The following ZHX2 variants were observed in gnomAD, a reference collection of about 807,000 sequenced individuals.
ZHX2 encodes zinc fingers and homeoboxes 2, also known as zinc fingers and homeoboxes protein 2.
ZHX2 carries 6 observed loss-of-function variants against 21.9 expected under a neutral mutation model. The ratio of observed to expected loss-of-function variants is 0.27; its 90% confidence interval spans 0.15 to 0.54. ZHX2 has a LOEUF of 0.54. ZHX2 is among the 20% of genes least tolerant of loss of function. The probability of loss-of-function intolerance (pLI) is 0.95; values close to 1 mark genes in which losing one functional copy is unlikely to be tolerated. For missense variants in ZHX2, 908 were observed against 1,090.7 expected (o/e 0.83, Z 2.36); for synonymous variants, 434 against 437.1 (o/e 0.99, Z 0.09).
intron 2 of ZHX2, among the ~76,000 whole-genome samples, chr8:122,893,018 G>T (rs542053947): frequency 6.6e-6 from 1 of 152,306 alleles, no homozygotes; most frequent in East Asian, 1.9e-4. Flanking sequence ...TAGTGATGAT[G>T]ATTTCCCTCA....
chr8:122,967,834 T>C (rs540696714), intron 3 of ZHX2, among the ~76,000 whole-genome samples: 1 of 152,300 alleles, frequency 6.6e-6, no homozygotes, highest in African/African-American at 2.4e-5. Context: ...GGGATATAAT[T>C]CTGCCCTACA....
chr8:122,797,513 G>A (rs1178622179), intron 1 of ZHX2, among the ~76,000 whole-genome samples: 1 of 152,114 alleles, frequency 6.6e-6, no homozygotes, highest in East Asian at 1.9e-4. Context: ...TTTCTCTTCC[G>A]CTCAGCAAGG....
chr8:122,941,126 A>C (rs1446742589), intron 2 of ZHX2, among the ~76,000 whole-genome samples: 1 of 151,804 alleles, frequency 6.6e-6, no homozygotes, highest in Non-Finnish European at 1.5e-5. Context: ...ATGTGCCTGT[A>C]GTCCCAGCTA....
At chr8:122,884,735 G>T (rs1219288330) in intron 2 of ZHX2, among the ~76,000 whole-genome samples, 4 of 152,198 alleles carry the variant, frequency 2.6e-5, no homozygotes, top group Non-Finnish European at 4.4e-5. Flanking sequence ...GGTGCAGTGG[G>T]CCAAGCAGAC....
chr8:122,853,388 A>C (rs1030834714), intron 1 of ZHX2, among the ~76,000 whole-genome samples: 2 of 152,316 alleles, frequency 1.3e-5, no homozygotes, highest in African/African-American at 4.8e-5. Flanking sequence ...CCCAGCCAAC[A>C]CATGCAGACA....
intron 1 of ZHX2, among the ~76,000 whole-genome samples, chr8:122,820,754 T>C (rs1465799834): frequency 1.3e-5 from 2 of 152,202 alleles, no homozygotes; most frequent in Non-Finnish European, 2.9e-5. Context: ...GATGGTTTTA[T>C]GGGTGCTTTA....
At chr8:122,917,650 G>A (rs541954056) in intron 2 of ZHX2, among the ~76,000 whole-genome samples, 13 of 152,224 alleles carry the variant, frequency 8.5e-5, no homozygotes, top group Non-Finnish European at 1.5e-4. Flanking sequence ...CTGCATTTCT[G>A]TCTGATGACT....
intron 2 of ZHX2, among the ~76,000 whole-genome samples, chr8:122,941,422 A>G (rs112144325): frequency 6.2e-4 from 94 of 152,316 alleles, no homozygotes; most frequent in African/African-American, 2.0e-3. Flanking sequence ...TTACGTCTCA[A>G]CTTTCCCAAA....
intron 3 of ZHX2, among the ~76,000 whole-genome samples, chr8:122,961,401 T>C (rs926509918): frequency 6.6e-6 from 1 of 152,228 alleles, no homozygotes; most frequent in East Asian, 1.9e-4. Context: ...ATTCTGTTCA[T>C]AATGCTTACA....
chr8:122,936,161 A>G (rs972148298), intron 2 of ZHX2, among the ~76,000 whole-genome samples: 43 of 152,224 alleles, frequency 2.8e-4, no homozygotes, highest in African/African-American at 1.0e-3. Context: ...AGAAGGGAAC[A>G]GAGTGGTAAG....
At position 122,835,066 on chromosome 8, in the gene ZHX2, G is replaced by A. The variant is rs181636935; in HGVS notation, c.-282-28411G>A. Among the ~76,000 whole-genome samples the A allele has an allele frequency of 2.0e-5, 3 of 152,310 alleles. No individual in the cohort carries two copies. The East Asian group carries it at 5.8e-4, about 29-fold the overall frequency. On this transcript the variant is annotated intron_variant, in intron 1 of 3. Transcript: ENST00000314393. ...GGTCTTCTGGGGTGAGGGTGGAAGAGAGGATAACCTAGAGGTCATGCCGGG... is the reference window on the plus strand; with the variant it reads ...GGTCTTCTGGGGTGAGGGTGGAAGAAAGGATAACCTAGAGGTCATGCCGGG...
chr8:122,932,074 A>G (rs1005635427), intron 2 of ZHX2, among the ~76,000 whole-genome samples: 1 of 152,218 alleles, frequency 6.6e-6, no homozygotes, highest in Admixed American at 6.5e-5. Flanking sequence ...AGACAACAGC[A>G]GATCTTGGCC....
In ZHX2 at chr8:122,802,053, A is replaced by G. The variant is rs79279762; in HGVS notation, c.-283+20107A>G. Reference sequence around the variant, plus strand: ...CCACTTAGAAAGTGGAGGTGGCTGTACAGTTCCTGGAGTCATCTTTTTTCT... The same window carrying G: ...CCACTTAGAAAGTGGAGGTGGCTGTGCAGTTCCTGGAGTCATCTTTTTTCT... On this transcript the variant is annotated intron_variant, in intron 1 of 3. Coordinates refer to ENST00000314393, the MANE Select transcript of ZHX2 (RefSeq NM_014943.5). 1.8e-3 allele frequency among the ~76,000 whole-genome samples: 277 copies of G among 152,112 alleles called. 1 individual carries two copies. Among genetic ancestry groups the G allele is most frequent in the African/African-American group, 6.4e-3 (266 of 41,504 alleles).
chr8:122,952,930 G>A lies in ZHX2; in HGVS notation c.1420G>A (p.Glu474Lys), dbSNP rs374724083. The change falls in exon 3 of 4, where the codon GAG becomes AAG. Residue 474 changes from glutamate (E) to lysine (K), a missense_variant. Glu to Lys is a moderately conservative substitution (Grantham distance 56). This residue lies in a region of ZHX2 where 232 missense variants were observed against 361.8 expected (regional missense o/e 0.64). Coordinates refer to ENST00000314393, the MANE Select transcript of ZHX2 (RefSeq NM_014943.5). The surrounding 1 kb of genome is among the most constrained non-coding windows in gnomAD (Gnocchi z 6.9). ...CGATGCCGAGGTTTACCGGCTCATC[G>A]AGGTGACTGGCCTTGCCAGGAGCGA... ...PDDAEVYRLI[E>K]VTGLARSEIK... The A allele has an allele frequency of 1.2e-5, 20 of 1,613,958 alleles. No homozygotes were observed. The highest frequency in any genetic ancestry group is 2.7e-5 in the African/African-American group (2 of 74,892).
chr8:122,798,642 G>T (rs976085472), intron 1 of ZHX2, among the ~76,000 whole-genome samples: 2 of 152,026 alleles, frequency 1.3e-5, no homozygotes, highest in African/African-American at 4.8e-5. Context: ...AATTAGCTGG[G>T]CGTGGTAGTA....
At chr8:122,909,641 C>A (rs1022170447) in intron 2 of ZHX2, among the ~76,000 whole-genome samples, 1 of 152,064 alleles carries the variant, frequency 6.6e-6, no homozygotes, top group African/African-American at 2.4e-5. Flanking sequence ...TTCTCTCTCA[C>A]TCAAGCAGAA....
At chr8:122,895,027 C>G (rs1430714654) in intron 2 of ZHX2, among the ~76,000 whole-genome samples, 1 of 152,208 alleles carries the variant, frequency 6.6e-6, no homozygotes, top group Non-Finnish European at 1.5e-5. Context: ...TTTTTTCTCT[C>G]TATTCCAGAT....
Position 122,969,416 on chromosome 8 carries a change from C to A in ZHX2, c.*5-3826C>A, listed in dbSNP as rs567926947. On this transcript the variant is annotated intron_variant, in intron 3 of 3. Coordinates refer to ENST00000314393, the MANE Select transcript of ZHX2 (RefSeq NM_014943.5). ...ATCCTTACCTCCCCACTGCCCCCCCCAAAAATAGACACAAGCAAACTTTAT... is the reference window on the plus strand; with the variant it reads ...ATCCTTACCTCCCCACTGCCCCCCCAAAAAATAGACACAAGCAAACTTTAT... 9.2e-5 allele frequency among the ~76,000 whole-genome samples: 14 copies of A among 151,858 alleles called. No individual in the cohort carries two copies. The South Asian group carries it at 1.9e-3, about 20-fold the overall frequency.
chr8:122,848,133 ATGAG>A (rs1010407254), intron 1 of ZHX2, among the ~76,000 whole-genome samples: 5 of 152,324 alleles, frequency 3.3e-5, no homozygotes, highest in African/African-American at 4.8e-5. Flanking sequence ...TGAGGAATGA[ATGAG>A]TGAGTATAGC....
Sources: allele counts gnomAD v4.1 joint callset (sites outside exome capture counted in the v4.1 genomes callset), GRCh38; gene constraint gnomAD v4.1.1; regional missense constraint gnomAD v4.1.1; non-coding constraint Gnocchi (gnomAD v3.1); transcripts MANE v1.5; gene names NCBI Gene and HGNC (gene_info 2026-07-23, HGNC 2026-07-21).